The following CIT variants were observed in gnomAD, a reference collection of about 807,000 sequenced individuals.
CIT encodes citron Rho-interacting kinase.
Under a neutral mutation model 272.7 loss-of-function variants are expected in CIT, and 79 were observed. The ratio of observed to expected loss-of-function variants is 0.29; its 90% CI spans 0.24 to 0.35. The LOEUF (loss-of-function observed/expected upper bound fraction) is 0.35. Ranked by LOEUF, CIT falls within the 10% of genes least tolerant of loss-of-function variation. The pLI is 1.00. For missense variants in CIT, 1,909 were observed against 2,618.3 expected, an observed-to-expected ratio of 0.73 and a Z score of 5.91; for synonymous variants, 948 against 995.6, an observed-to-expected ratio of 0.95 and a Z score of 0.90.
intron 23 of CIT, among the ~76,000 whole-genome samples, chr12:119,750,766 T>C (rs961574619): frequency 6.7e-5 from 10 of 149,394 alleles, no homozygotes; most frequent in African/African-American, 2.5e-4. Context: ...GATAGATAGA[T>C]AGATAGATAG....
intron 40 of CIT, 103 bp from the exon 41 acceptor site, chr12:119,704,558 AC>A: frequency 2.0e-6 from 2 of 984,916 alleles, no homozygotes; most frequent in Non-Finnish European, 3.1e-6. Context: ...GATGATTCAG[AC>A]CAGATCATTC....
At chr12:119,819,144 C>G (rs755219136) in intron 9 of CIT, among the ~76,000 whole-genome samples, 1 of 152,084 alleles carries the variant, frequency 6.6e-6, no homozygotes, top group East Asian at 1.9e-4. Context: ...TGGAAAGCAG[C>G]CTTGAAATAA....
At chr12:119,798,241 GCC>G (rs1965908608) in intron 10 of CIT, among the ~76,000 whole-genome samples, 1 of 152,038 alleles carries the variant, frequency 6.6e-6, no homozygotes, top group Admixed American at 6.6e-5. Flanking sequence ...ATCACACCCT[GCC>G]CCAACCTCAT....
Position 119,713,512 on chromosome 12 carries a change from C to T in CIT, c.4443G>A (p.Glu1481=), listed in dbSNP as rs1398817562. 3.7e-6 allele frequency: 6 copies of T among 1,614,102 alleles called. No homozygotes were observed. The highest frequency in any genetic ancestry group is 1.6e-4 in the Middle Eastern group (1 of 6,084). Residue 1481 remains glutamate (E), a synonymous_variant, in exon 34 of 48, where the codon GAG becomes GAA. Coordinates refer to ENST00000392521, the MANE Select transcript of CIT (RefSeq NM_001206999.2). The surrounding 1 kb of genome is among the most constrained non-coding windows in gnomAD (Gnocchi z 5.2). ...KMNSPGLQTK[E]PSSSLHLEGW... ...CTTCCAGGTGCAAGCTGCTGCTGGG[C>T]TCCTTGGTCTGGAGACCTGGGGAGT...
intron 18 of CIT, 36 bp from the exon 19 acceptor site, chr12:119,767,218 G>A (rs765478911): frequency 2.7e-6 from 4 of 1,503,206 alleles, no homozygotes; most frequent in Non-Finnish European, 3.7e-6. Flanking sequence ...GGTGTGCAGA[G>A]GGCAGGACAC....
At chr12:119,714,707 T>C (rs773308728) in intron 32 of CIT, among the ~76,000 whole-genome samples, 1 of 152,206 alleles carries the variant, frequency 6.6e-6, no homozygotes, top group Non-Finnish European at 1.5e-5. Flanking sequence ...GTGGAGAAAC[T>C]GGAACCCTCA....
chr12:119,844,842 T>C (rs1335304664), intron 5 of CIT, among the ~76,000 whole-genome samples: 1 of 152,128 alleles, frequency 6.6e-6, no homozygotes, highest in Non-Finnish European at 1.5e-5. Flanking sequence ...CCTCCTAGGC[T>C]GGGCACGGTG....
chr12:119,814,328 C>G (rs7294469), intron 9 of CIT, among the ~76,000 whole-genome samples: 89,024 of 152,000 alleles, frequency 0.59, 27,342 homozygotes, highest in East Asian at 0.84. Context: ...GAACAGCCCC[C>G]AAGAGACACA....
chr12:119,748,022 A>G (rs907041092), intron 23 of CIT, among the ~76,000 whole-genome samples: 2 of 150,924 alleles, frequency 1.3e-5, no homozygotes, highest in Non-Finnish European at 3.0e-5. Flanking sequence ...AAAGTTAACC[A>G]GGTGGGTGGC....
At chr12:119,750,800 T>TAG (rs1228716369) in intron 23 of CIT, among the ~76,000 whole-genome samples, 3 of 148,872 alleles carry the variant, frequency 2.0e-5, no homozygotes, top group Non-Finnish European at 1.5e-5. Flanking sequence ...TAGATAGAGA[T>TAG]ATAGAGATGT....
chr12:119,690,181 G>T lies in CIT; in HGVS notation c.6156C>A (p.Ala2052=). The T allele has an allele frequency of 1.3e-6, 2 of 1,485,004 alleles. No individual in the cohort carries two copies. The allele number at this position is 1,485,004 out of a possible 1,614,324, so 92.0% of individuals were successfully genotyped here. Residue 2052 remains alanine, a synonymous_variant, in exon 47 of 48, where the codon GCC becomes GCA. Coordinates refer to ENST00000392521, the MANE Select transcript of CIT (RefSeq NM_001206999.2). The surrounding 1 kb of genome is among the most constrained non-coding windows in gnomAD (Gnocchi z 6.0). ...TCACCTGGGACAGCGGGGTCCTCAC[G>T]GCTCCCGCAGGCAGCCGGCCCCTGC... ...DSSRGRLPAG[A]VRTPLSQVNK...
rs142371726 is a variant in CIT, at chr12:119,859,963, C to T, written c.239-2265G>A. ...TCCAGAGTAGCTGGGACTATAGGCG[C>T]ACACCACCAATCTGGCTAATTTTTA... is the stretch of plus-strand genomic sequence containing the variant. On this transcript the variant is annotated intron_variant, in intron 3 of 47. Transcript: ENST00000392521. Among the ~76,000 whole-genome samples the T allele has an allele frequency of 6.8e-3, 1,030 of 152,268 alleles. 9 individuals carry two copies. The highest frequency in any genetic ancestry group is 0.023 in the African/African-American group (973 of 41,570).
At chr12:119,688,916 T>G (rs1228322207) in intron 47 of CIT, among the ~76,000 whole-genome samples, 1 of 150,836 alleles carries the variant, frequency 6.6e-6, no homozygotes, top group East Asian at 1.9e-4. Context: ...ATCCCAGCAT[T>G]TTGGGAGGCC....
chr12:119,796,706 T>C (rs1013571075), intron 10 of CIT, among the ~76,000 whole-genome samples: 4 of 151,756 alleles, frequency 2.6e-5, no homozygotes, highest in Admixed American at 6.6e-5. Context: ...CTGAATGAGA[T>C]CACCAAGAAC....
intron 5 of CIT, among the ~76,000 whole-genome samples, chr12:119,842,547 T>TTC (rs1969481273): frequency 6.6e-6 from 1 of 152,132 alleles, no homozygotes; most frequent in African/African-American, 2.4e-5. Context: ...AGAGCACTGT[T>TTC]TCCATCAGCC....
rs868503144 is a variant in CIT, at chr12:119,733,544, C to A, written c.3350+620G>T. ...GACTCTGTCACAAAAAAAAAAAAAA[C>A]AAAAAAAACCCACTAAACTATTCTT... On this transcript the variant is annotated intron_variant, in intron 26 of 47. Coordinates refer to ENST00000392521, the MANE Select transcript of CIT (RefSeq NM_001206999.2). Among the ~76,000 whole-genome samples, 482 of 134,488 alleles carry A rather than the reference C, an allele frequency of 3.6e-3. 1 individual carries two copies. Among genetic ancestry groups the A allele is most frequent in the South Asian group, 9.4e-3 (41 of 4,344 alleles). The allele number at this position is 134,488 out of a possible 152,430, so 88.2% of individuals were successfully genotyped here.
Position 119,857,483 on chromosome 12 carries a change from G to A in CIT, c.414+40C>T, listed in dbSNP as rs766048488. The stretch of plus-strand genomic sequence containing the variant: ...TATCGTCTTTGCAATGAACACTCCG[G>A]TACAGAAAGTGGAAAAGCATGATGT... On this transcript the variant is annotated intron_variant, in intron 4 of 47. Coordinates refer to ENST00000392521, the MANE Select transcript of CIT (RefSeq NM_001206999.2). 3.1e-6 allele frequency: 5 copies of A among 1,605,694 alleles called. No individual in the cohort carries two copies. In the Admixed American group the frequency reaches 8.3e-5, roughly 27 times the overall value.
Position 119,710,528 on chromosome 12 carries a change from T to C in CIT, c.4935+12A>G, listed in dbSNP as rs1402121496. 1.2e-6 allele frequency: 2 copies of C among 1,613,956 alleles called. No individual in the cohort carries two copies. Among genetic ancestry groups the C allele is most frequent in the Non-Finnish European group, 1.7e-6 (2 of 1,179,910 alleles). ...ACCAGACACCAGCTGGCCGTGCCCA[T>C]GCAAGCATTACCTGGTCACTGAAGG... On this transcript the variant is annotated intron_variant, in intron 38 of 47. Coordinates refer to ENST00000392521, the MANE Select transcript of CIT (RefSeq NM_001206999.2). This position sits in a 1 kb window ranked among gnomAD's most constrained non-coding sequence, Gnocchi z 5.6.
chr12:119,821,961 T>A (rs1166688067), intron 9 of CIT, among the ~76,000 whole-genome samples: 1 of 152,206 alleles, frequency 6.6e-6, no homozygotes, highest in Non-Finnish European at 1.5e-5. Context: ...CCATACTATG[T>A]CCTAGCTGAA....
Sources: allele counts gnomAD v4.1 joint callset (sites outside exome capture counted in the v4.1 genomes callset), GRCh38; gene constraint gnomAD v4.1.1; non-coding constraint Gnocchi (gnomAD v3.1); transcripts MANE v1.5; gene names NCBI Gene and HGNC (gene_info 2026-07-23, HGNC 2026-07-21).